The following SCOC variants were observed in gnomAD, a reference collection of about 807,000 sequenced individuals.
The protein encoded by SCOC is short coiled coil protein.
SCOC carries 7 observed loss-of-function variants against 9.9 expected under a neutral mutation model. The observed-to-expected ratio is 0.71, with a 90% CI of 0.40 to 1.33. SCOC has a LOEUF of 1.33. Among genes scored for constraint, SCOC ranks in the 40% most tolerant of loss-of-function variants. The probability of loss-of-function intolerance (pLI) is 0.01; values close to 1 mark genes in which losing one functional copy is unlikely to be tolerated. For synonymous variants in SCOC, 19 were observed against 28.2 expected, an observed-to-expected ratio of 0.67 and a Z score of 1.03; for missense variants, 66 against 89.7, an observed-to-expected ratio of 0.74 and a Z score of 1.07.
intron 2 of SCOC, among the ~76,000 whole-genome samples, chr4:140,362,396 A>G (rs1314178740): frequency 3.5e-5 from 5 of 140,968 alleles, no homozygotes; most frequent in East Asian, 2.1e-4. Flanking sequence ...CCTGGGTTCA[A>G]GCGATTCTCC....
chr4:140,324,414 CT>C (rs1043978778), intron 1 of SCOC, among the ~76,000 whole-genome samples: 2 of 152,080 alleles, frequency 1.3e-5, no homozygotes, highest in Non-Finnish European at 2.9e-5. Flanking sequence ...AAAGATAAGC[CT>C]GTCTTTAATT....
intron 1 of SCOC, among the ~76,000 whole-genome samples, chr4:140,378,401 G>A (rs1728433835): frequency 6.6e-6 from 1 of 151,758 alleles, no homozygotes; most frequent in African/African-American, 2.4e-5. Context: ...TTACATCAGT[G>A]AATATACAAT....
At chr4:140,348,201 T>C (rs561896818) in intron 2 of SCOC, among the ~76,000 whole-genome samples, 25 of 152,308 alleles carry the variant, frequency 1.6e-4, no homozygotes, top group African/African-American at 5.8e-4. Context: ...TATTTAAGTA[T>C]ACAATATATT....
intron 1 of SCOC, among the ~76,000 whole-genome samples, chr4:140,275,260 T>C (rs1027782437): frequency 3.3e-5 from 5 of 152,260 alleles, no homozygotes; most frequent in Non-Finnish European, 5.9e-5. Context: ...ACTATTACAA[T>C]GTTTATTATG....
At chr4:140,319,553 T>A (rs1732436931) in intron 1 of SCOC, among the ~76,000 whole-genome samples, 1 of 152,176 alleles carries the variant, frequency 6.6e-6, no homozygotes, top group Non-Finnish European at 1.5e-5. Flanking sequence ...TTTTCTCATT[T>A]TTATACCATC....
intron 1 of SCOC, among the ~76,000 whole-genome samples, chr4:140,294,636 A>G (rs1285940579): frequency 6.6e-6 from 1 of 152,206 alleles, no homozygotes; most frequent in Admixed American, 6.5e-5. Context: ...AGTGGAGACC[A>G]TTAAGGATTA....
Position 140,378,318 on chromosome 4 carries a change from C to T in SCOC, c.-50-803C>T, listed in dbSNP as rs541150035. ...TGAAACAATTTTATCTTCATCCATA[C>T]CGTCATCCTTAATATCAGAGCATTT... is the stretch of plus-strand genomic sequence containing the variant. On this transcript the variant is annotated intron_variant, in intron 1 of 3. Transcript: ENST00000608372. Among the ~76,000 whole-genome samples the T allele has an allele frequency of 3.2e-3, 484 of 152,106 alleles. 4 individuals are homozygous for T. The highest frequency in any genetic ancestry group is 0.011 in the African/African-American group (457 of 41,452).
At chr4:140,330,771 G>C (rs1004028634) in intron 1 of SCOC, among the ~76,000 whole-genome samples, 1 of 152,190 alleles carries the variant, frequency 6.6e-6, no homozygotes, top group Non-Finnish European at 1.5e-5. Flanking sequence ...GGACATGAAA[G>C]TAAGAATAGC....
chr4:140,329,539 G>A (rs7437976), intron 1 of SCOC, among the ~76,000 whole-genome samples: 8 of 151,944 alleles, frequency 5.3e-5, no homozygotes, highest in South Asian at 2.1e-4. Context: ...GAAAATATTC[G>A]CAAAAATACA....
At chr4:140,320,357 A>C (rs1732463815) in intron 1 of SCOC, among the ~76,000 whole-genome samples, 1 of 152,216 alleles carries the variant, frequency 6.6e-6, no homozygotes, top group Admixed American at 6.5e-5. Context: ...AAAAATGGGC[A>C]ACCAGCAGCC....
At chr4:140,315,215 T>C (rs1451056766) in intron 1 of SCOC, among the ~76,000 whole-genome samples, 2 of 152,250 alleles carry the variant, frequency 1.3e-5, no homozygotes, top group South Asian at 2.1e-4. Context: ...AGGAGGTTCA[T>C]TCTAAAGTGA....
At chr4:140,292,974 G>C (rs1042316182) in intron 1 of SCOC, among the ~76,000 whole-genome samples, 1 of 152,212 alleles carries the variant, frequency 6.6e-6, no homozygotes, top group African/African-American at 2.4e-5. Context: ...GAGAGAAGAG[G>C]CTTCCTATAA....
At chr4:140,315,334 T>C (rs1023562942) in intron 1 of SCOC, among the ~76,000 whole-genome samples, 1 of 152,228 alleles carries the variant, frequency 6.6e-6, no homozygotes, top group Non-Finnish European at 1.5e-5. Context: ...GGCTCTGCAC[T>C]GAATATACAT....
chr4:140,317,866 A>C (rs1732377076), intron 1 of SCOC, among the ~76,000 whole-genome samples: 1 of 85,286 alleles, frequency 1.2e-5, no homozygotes, highest in Non-Finnish European at 2.1e-5. Context: ...TCCCCACCAC[A>C]GTCCCCAGAG....
At chr4:140,379,456 C>T (rs764688482) in intron 2 of SCOC, 113 bp from the exon 3 acceptor site, 23 of 804,674 alleles carry the variant, frequency 2.9e-5, no homozygotes, top group Non-Finnish European at 4.5e-5. Flanking sequence ...TCACAGGGCT[C>T]TTGTATAAGT....
chr4:140,342,663 C>T (rs1726553827), upstream of SCOC, among the ~76,000 whole-genome samples: 1 of 152,160 alleles, frequency 6.6e-6, no homozygotes, highest in Non-Finnish European at 1.5e-5. Flanking sequence ...TTAATATCTG[C>T]TTAAAATGCT....
intron 1 of SCOC, among the ~76,000 whole-genome samples, chr4:140,277,091 ATAT>A (rs1731001655): frequency 6.6e-6 from 1 of 152,212 alleles, no homozygotes; most frequent in African/African-American, 2.4e-5. Flanking sequence ...TAAAAAAATT[ATAT>A]TGTTATTCCC....
chr4:140,356,692 G>T (rs1727243841), intron 2 of SCOC, among the ~76,000 whole-genome samples: 1 of 152,130 alleles, frequency 6.6e-6, no homozygotes, highest in African/African-American at 2.4e-5. Flanking sequence ...CTGTCAGGTG[G>T]TATATAATTT....
intron 1 of SCOC, among the ~76,000 whole-genome samples, chr4:140,291,227 G>A (rs920757665): frequency 1.3e-5 from 2 of 152,202 alleles, no homozygotes; most frequent in Non-Finnish European, 2.9e-5. Flanking sequence ...TGGTAGGTAT[G>A]AAACGTGCTA....
Sources: gnomAD v4.1 joint callset for allele counts (sites outside exome capture counted in the v4.1 genomes callset) on GRCh38, gnomAD v4.1.1 for gene constraint, MANE v1.5 for transcripts, NCBI Gene and HGNC (gene_info 2026-07-23, HGNC 2026-07-21) for gene names.